The following RAP1A variants were observed in gnomAD, a reference collection of about 807,000 sequenced individuals.
RAP1A encodes the protein ras-related protein Rap-1A.
A neutral mutation model predicts 26.4 loss-of-function variants in RAP1A; 6 were observed. The ratio of observed to expected loss-of-function variants is 0.23; its 90% confidence interval spans 0.12 to 0.45. The LOEUF (loss-of-function observed/expected upper bound fraction) is 0.45. Ranked by LOEUF, RAP1A falls within the 20% of genes least tolerant of loss-of-function variation. The probability of loss-of-function intolerance (pLI) is 0.99; values close to 1 mark genes in which losing one functional copy is unlikely to be tolerated. For missense variants in RAP1A, 121 were observed against 217.2 expected (o/e 0.56, Z 2.78); for synonymous variants, 73 against 79.4 (o/e 0.92, Z 0.43).
chr1:111,684,058 AAACAC>A, intron 1 of RAP1A, among the ~76,000 whole-genome samples: 1 of 152,326 alleles, frequency 6.6e-6, no homozygotes, highest in Middle Eastern at 3.4e-3. Flanking sequence ...CAATGACAAA[AAACAC>A]AAGATTATCT....
chr1:111,684,127 A>G, intron 1 of RAP1A, among the ~76,000 whole-genome samples: 1 of 152,088 alleles, frequency 6.6e-6, no homozygotes, highest in East Asian at 1.9e-4. Flanking sequence ...CATGCTAAAA[A>G]CTCTCAATAA....
intron 1 of RAP1A, among the ~76,000 whole-genome samples, chr1:111,624,690 C>T (rs1445154191): frequency 6.6e-6 from 1 of 151,730 alleles, no homozygotes; most frequent in Non-Finnish European, 1.5e-5. Flanking sequence ...ACACATGCAC[C>T]AATAAAAAAA....
intron 1 of RAP1A, among the ~76,000 whole-genome samples, chr1:111,654,950 T>C (rs1050265302): frequency 6.6e-6 from 1 of 151,832 alleles, no homozygotes; most frequent in South Asian, 2.1e-4. Flanking sequence ...GGGAGGGAAT[T>C]GCTTGAGGCC....
At chr1:111,553,963 T>C (rs1415710068) in intron 1 of RAP1A, among the ~76,000 whole-genome samples, 1 of 152,244 alleles carries the variant, frequency 6.6e-6, no homozygotes, top group Non-Finnish European at 1.5e-5. Context: ...CATGCATTGC[T>C]TCCCCATTCT....
chr1:111,688,808 GTT>G (rs753016302), intron 1 of RAP1A, among the ~76,000 whole-genome samples: 42 of 124,200 alleles, frequency 3.4e-4, no homozygotes, highest in African/African-American at 1.1e-3. Context: ...TTTTGTTTTT[GTT>G]TTTTTTTTTT....
At chr1:111,588,418 GT>G (rs1048522662) in intron 1 of RAP1A, among the ~76,000 whole-genome samples, 1 of 152,244 alleles carries the variant, frequency 6.6e-6, no homozygotes, top group South Asian at 2.1e-4. Context: ...ATCAGATCAT[GT>G]TTTTTCCCTG....
At chr1:111,611,857 A>C (rs1658931741) in intron 1 of RAP1A, among the ~76,000 whole-genome samples, 1 of 152,252 alleles carries the variant, frequency 6.6e-6, no homozygotes, top group Non-Finnish European at 1.5e-5. Flanking sequence ...TATTTTTACT[A>C]AAAGCACATT....
At chr1:111,662,845 C>CT (rs1660682327) in intron 1 of RAP1A, among the ~76,000 whole-genome samples, 1 of 152,176 alleles carries the variant, frequency 6.6e-6, no homozygotes, top group Non-Finnish European at 1.5e-5. Flanking sequence ...AATGACTTGT[C>CT]TTGGCTCACA....
chr1:111,603,957 C>G (rs545353864), intron 1 of RAP1A, among the ~76,000 whole-genome samples: 1 of 152,342 alleles, frequency 6.6e-6, no homozygotes, highest in African/African-American at 2.4e-5. Flanking sequence ...GGGCCACTTA[C>G]TCTTTGCCTC....
intron 2 of RAP1A, among the ~76,000 whole-genome samples, chr1:111,695,009 A>AG (rs1661781864): frequency 6.6e-6 from 1 of 152,200 alleles, no homozygotes; most frequent in Non-Finnish European, 1.5e-5. Flanking sequence ...AGATATATAA[A>AG]GGGGCAATAG....
chr1:111,638,741 A>T (rs955832668), intron 1 of RAP1A, among the ~76,000 whole-genome samples: 2 of 151,926 alleles, frequency 1.3e-5, no homozygotes, highest in South Asian at 2.1e-4. Context: ...TATTTTTTTC[A>T]TTCCTTTATT....
chr1:111,607,003 T>TTTAATTTATTTA (rs1553212996), intron 1 of RAP1A, among the ~76,000 whole-genome samples: 3 of 145,680 alleles, frequency 2.1e-5, no homozygotes, highest in African/African-American at 5.3e-5. Flanking sequence ...ATTCATTTTC[T>TTTAATTTATTTA]TTTATTTATT....
intron 1 of RAP1A, among the ~76,000 whole-genome samples, chr1:111,666,991 T>C (rs754305845): frequency 7.2e-5 from 11 of 152,050 alleles, no homozygotes; most frequent in Non-Finnish European, 1.0e-4. Context: ...CTTTGAGAAC[T>C]TGGAGTTTAA....
At position 111,590,716 on chromosome 1, in the gene RAP1A, C is replaced by T. The variant is rs544325873; in HGVS notation, c.-28+48207C>T. 1.7e-4 allele frequency among the ~76,000 whole-genome samples: 26 copies of T among 151,936 alleles called. 1 individual carries two copies. Among genetic ancestry groups the T allele is most frequent in the Admixed American group, 9.2e-4 (14 of 15,270 alleles). On this transcript the variant is annotated intron_variant, in intron 1 of 7. Coordinates refer to the RAP1A transcript ENST00000356415. ...GATTACAGGTGTGAGCCACTGCGCCCGGCCTCTCCAATGTTCTAATATTAT... is the reference window on the plus strand; with the variant it reads ...GATTACAGGTGTGAGCCACTGCGCCTGGCCTCTCCAATGTTCTAATATTAT...
chr1:111,621,281 C>T (rs1009425169), intron 1 of RAP1A, among the ~76,000 whole-genome samples: 7 of 152,186 alleles, frequency 4.6e-5, no homozygotes, highest in Admixed American at 3.3e-4. Flanking sequence ...TGGGGGTGGA[C>T]ATGCCTATGT....
chr1:111,698,460 GGT>G (rs1254221439), intron 4 of RAP1A, among the ~76,000 whole-genome samples: 1 of 152,016 alleles, frequency 6.6e-6, no homozygotes, highest in African/African-American at 2.4e-5. Context: ...TTGTAGAGGT[GGT>G]TTCGCTGTGT....
intron 1 of RAP1A, among the ~76,000 whole-genome samples, chr1:111,620,281 G>A (rs892299306): frequency 6.6e-6 from 1 of 152,366 alleles, no homozygotes; most frequent in African/African-American, 2.4e-5. Flanking sequence ...CATAGCACAA[G>A]CCCATTTCCC....
intron 1 of RAP1A, among the ~76,000 whole-genome samples, chr1:111,657,076 A>G (rs1571535743): frequency 6.6e-6 from 1 of 151,884 alleles, no homozygotes; most frequent in Non-Finnish European, 1.5e-5. Flanking sequence ...GGTACTTCAT[A>G]TAAGTGGATT....
intron 1 of RAP1A, chr1:111,648,473 A>G (rs1660148214): frequency 3.6e-6 from 2 of 549,466 alleles, no homozygotes; most frequent in Non-Finnish European, 6.8e-6. Context: ...TTTGACCTTG[A>G]TATTCAGCAG....
Sources: allele counts gnomAD v4.1 joint callset (sites outside exome capture counted in the v4.1 genomes callset), GRCh38; gene constraint gnomAD v4.1.1; transcripts MANE v1.5; gene names NCBI Gene and HGNC (gene_info 2026-07-23, HGNC 2026-07-21).